ZEB1: variants seen among roughly 807,000 people sequenced by gnomAD.
ZEB1 encodes zinc finger E-box binding homeobox 1, also known as zinc finger E-box-binding homeobox 1.
ZEB1 carries 21 observed loss-of-function variants against 84.9 expected under a neutral mutation model. That is an observed-to-expected ratio of 0.25 (90% CI 0.18 to 0.36). The LOEUF (loss-of-function observed/expected upper bound fraction) is 0.36. Ranked by LOEUF, ZEB1 falls within the 10% of genes least tolerant of loss-of-function variation. The probability of loss-of-function intolerance (pLI) is 1.00; values close to 1 mark genes in which losing one functional copy is unlikely to be tolerated. For missense variants in ZEB1, 1,104 were observed against 1,330.2 expected, an observed-to-expected ratio of 0.83 and a Z score of 2.65; for synonymous variants, 420 against 471.1, an observed-to-expected ratio of 0.89 and a Z score of 1.41.
intron 2 of ZEB1, among the ~76,000 whole-genome samples, chr10:31,491,091 A>T (rs1174857684): frequency 6.6e-6 from 1 of 151,738 alleles, no homozygotes; most frequent in Non-Finnish European, 1.5e-5. Context: ...AGAGTTCATA[A>T]ACAGCCTTAT....
intron 1 of ZEB1, among the ~76,000 whole-genome samples, chr10:31,377,548 G>T (rs2046865169): frequency 1.3e-5 from 2 of 151,676 alleles, no homozygotes; most frequent in African/African-American, 4.8e-5. Context: ...CAAATTTACT[G>T]AGTAAAAGAA....
chr10:31,499,923 A>G (rs1438056050), intron 3 of ZEB1, among the ~76,000 whole-genome samples: 2 of 152,158 alleles, frequency 1.3e-5, no homozygotes, highest in Non-Finnish European at 2.9e-5. Context: ...GTATATTTAG[A>G]CCTAATCAAT....
Position 31,323,532 on chromosome 10 carries a change from C to G in ZEB1, c.58+4240C>G, listed in dbSNP as rs531528631. Reference sequence around the variant, plus strand: ...TTTTCCTACTGGTAGCCCTCCCCCACCTTTTTAGTTAAGAATCAGTGAGTG... The same window carrying G: ...TTTTCCTACTGGTAGCCCTCCCCCAGCTTTTTAGTTAAGAATCAGTGAGTG... On this transcript the variant is annotated intron_variant, in intron 1 of 8. Transcript: ENST00000424869. 2.2e-4 allele frequency among the ~76,000 whole-genome samples: 33 copies of G among 152,124 alleles called. 2 individuals carry two copies. Among genetic ancestry groups the G allele is most frequent in the African/African-American group, 7.9e-4 (33 of 41,542 alleles).
At chr10:31,446,192 G>C (rs1002397179) in intron 1 of ZEB1, among the ~76,000 whole-genome samples, 10 of 152,168 alleles carry the variant, frequency 6.6e-5, no homozygotes, top group Admixed American at 1.3e-4. Flanking sequence ...AGATTTTCTA[G>C]TTTATTTGCA....
chr10:31,438,966 A>T (rs201898941), intron 1 of ZEB1, among the ~76,000 whole-genome samples: 2 of 152,250 alleles, frequency 1.3e-5, no homozygotes, highest in East Asian at 3.8e-4. Context: ...CACTAGCAAC[A>T]TTATGCTGAA....
intron 1 of ZEB1, among the ~76,000 whole-genome samples, chr10:31,420,221 A>AT (rs1395522858): frequency 6.6e-6 from 1 of 152,134 alleles, no homozygotes; most frequent in Non-Finnish European, 1.5e-5. Flanking sequence ...GCTGCGTAAC[A>AT]AATGACAAGA....
intron 1 of ZEB1, among the ~76,000 whole-genome samples, chr10:31,422,288 T>C (rs1247807329): frequency 4.6e-5 from 7 of 152,182 alleles, no homozygotes; most frequent in Non-Finnish European, 1.0e-4. Context: ...TGAGTGAAGT[T>C]CTGAAGCTAT....
intron 1 of ZEB1, among the ~76,000 whole-genome samples, chr10:31,447,763 G>A (rs201348774): frequency 6.6e-6 from 1 of 152,120 alleles, no homozygotes; most frequent in African/African-American, 2.4e-5. Context: ...TGGCTTGTAG[G>A]GTTTCTGCCG....
At chr10:31,491,233 A>G (rs900481161) in intron 2 of ZEB1, among the ~76,000 whole-genome samples, 3 of 151,728 alleles carry the variant, frequency 2.0e-5, no homozygotes, top group Admixed American at 6.6e-5. Context: ...TCCTGCATCT[A>G]TGCCTGTAGA....
chr10:31,514,797 C>A (rs915764487), intron 6 of ZEB1, 89 bp downstream of exon 6: 3 of 1,064,808 alleles, frequency 2.8e-6, no homozygotes, highest in Non-Finnish European at 4.2e-6. Context: ...CGTACATGAT[C>A]AGAAACTCCT....
At chr10:31,482,486 A>G (rs556217949) in intron 2 of ZEB1, among the ~76,000 whole-genome samples, 34 of 151,714 alleles carry the variant, frequency 2.2e-4, no homozygotes, top group African/African-American at 7.7e-4. Context: ...AAAAAAAAAA[A>G]GGATTATTAG....
chr10:31,444,401 G>A (rs2059480912), intron 1 of ZEB1, among the ~76,000 whole-genome samples: 1 of 151,838 alleles, frequency 6.6e-6, no homozygotes, highest in South Asian at 2.1e-4. Flanking sequence ...TTGCTGTGCA[G>A]AAGCTCTTTA....
intron 1 of ZEB1, among the ~76,000 whole-genome samples, chr10:31,438,768 T>C (rs1029047278): frequency 2.0e-5 from 3 of 152,214 alleles, no homozygotes; most frequent in African/African-American, 7.2e-5. Context: ...CGCTTGAGCC[T>C]AGCAGTACAC....
chr10:31,474,142 A>G (rs1442127094), intron 2 of ZEB1, among the ~76,000 whole-genome samples: 1 of 152,232 alleles, frequency 6.6e-6, no homozygotes, highest in African/African-American at 2.4e-5. Context: ...TTCAGGACAT[A>G]GGCACGGGCA....
At chr10:31,522,346 C>A (rs1429656569) in intron 7 of ZEB1, among the ~76,000 whole-genome samples, 3 of 152,132 alleles carry the variant, frequency 2.0e-5, no homozygotes, top group Non-Finnish European at 4.4e-5. Context: ...AGGTTCATAC[C>A]AGGCAAACTT....
chr10:31,405,707 C>T (rs539549395), intron 1 of ZEB1, among the ~76,000 whole-genome samples: 106 of 151,272 alleles, frequency 7.0e-4, no homozygotes, highest in African/African-American at 2.4e-3. Flanking sequence ...TACACCTAGG[C>T]TCTTTTTTTT....
chr10:31,446,183 G>C (rs1490878296), intron 1 of ZEB1, among the ~76,000 whole-genome samples: 2 of 152,154 alleles, frequency 1.3e-5, no homozygotes, highest in Admixed American at 1.3e-4. Context: ...ATCTCTCCTA[G>C]ATTTTCTAGT....
intron 2 of ZEB1, among the ~76,000 whole-genome samples, chr10:31,467,402 T>C (rs977251074): frequency 5.3e-5 from 8 of 152,042 alleles, no homozygotes; most frequent in African/African-American, 1.9e-4. Flanking sequence ...GTGGGGCCCA[T>C]GCATGTTCAC....
intron 2 of ZEB1, among the ~76,000 whole-genome samples, chr10:31,468,973 A>G (rs2062801160): frequency 1.3e-5 from 2 of 152,200 alleles, no homozygotes; most frequent in South Asian, 4.1e-4. Flanking sequence ...TAAGATATGG[A>G]CTGTTAAGAA....
Sources: allele counts gnomAD v4.1 joint callset (sites outside exome capture counted in the v4.1 genomes callset), GRCh38; gene constraint gnomAD v4.1.1; transcripts MANE v1.5; gene names NCBI Gene and HGNC (gene_info 2026-07-23, HGNC 2026-07-21).